Variants in CPA6 observed in about 807,000 individuals in gnomAD.
The protein encoded by CPA6 is carboxypeptidase B.
Under a neutral mutation model 63.3 loss-of-function variants are expected in CPA6, and 58 were observed. That is an observed-to-expected ratio of 0.92 (90% CI 0.74 to 1.14). The LOEUF is 1.14. Among genes scored for constraint, CPA6 ranks in the 50% most tolerant of loss-of-function variants. The probability of loss-of-function intolerance (pLI) is 0.00; values close to 1 mark genes in which losing one functional copy is unlikely to be tolerated. For missense variants in CPA6, 565 were observed against 526.6 expected (o/e 1.07, Z -0.71); for synonymous variants, 185 against 179.0 (o/e 1.03, Z -0.27).
intron 2 of CPA6, among the ~76,000 whole-genome samples, chr8:67,568,805 C>G (rs1813408076): frequency 6.6e-6 from 1 of 152,186 alleles, no homozygotes. Context: ...GTTTGGAGTG[C>G]AGTGGCACGA....
intron 2 of CPA6, among the ~76,000 whole-genome samples, chr8:67,620,220 G>C (rs1014270272): frequency 6.6e-6 from 1 of 152,140 alleles, no homozygotes; most frequent in African/African-American, 2.4e-5. Context: ...GCACTTCTCC[G>C]ACCTCTTCTG....
chr8:67,738,858 T>C (rs1229542399), intron 1 of CPA6, among the ~76,000 whole-genome samples: 1 of 152,230 alleles, frequency 6.6e-6, no homozygotes, highest in African/African-American at 2.4e-5. Context: ...ACCAGTTATC[T>C]ACTGATTGAT....
At chr8:67,556,447 T>C (rs751316800) in intron 2 of CPA6, among the ~76,000 whole-genome samples, 4 of 152,134 alleles carry the variant, frequency 2.6e-5, no homozygotes, top group Non-Finnish European at 5.9e-5. Flanking sequence ...GAGGGGAGAC[T>C]CAGCTGGGAG....
At chr8:67,644,885 A>G (rs556096366) in intron 1 of CPA6, among the ~76,000 whole-genome samples, 1 of 152,266 alleles carries the variant, frequency 6.6e-6, no homozygotes, top group South Asian at 2.1e-4. Context: ...AAGGCAGTGA[A>G]TTTCCAGTTC....
intron 2 of CPA6, among the ~76,000 whole-genome samples, chr8:67,548,973 T>C (rs1812882325): frequency 6.6e-6 from 1 of 152,200 alleles, no homozygotes. Context: ...CAGTGCCTTG[T>C]GAGACAGAAT....
chr8:67,569,371 T>C (rs1170608915), intron 2 of CPA6: 1 of 199,516 alleles, frequency 5.0e-6, no homozygotes, highest in Non-Finnish European at 1.0e-5. Context: ...AATACTTTAT[T>C]CATTACTTTC....
chr8:67,744,846 AT>A (rs1434402716), intron 1 of CPA6, among the ~76,000 whole-genome samples: 1 of 152,062 alleles, frequency 6.6e-6, no homozygotes, highest in Non-Finnish European at 1.5e-5. Flanking sequence ...CCGTGATCAT[AT>A]TGCCATCTAT....
chr8:67,483,215 T>C (rs1237924347), intron 8 of CPA6: 2 of 152,514 alleles, frequency 1.3e-5, no homozygotes, highest in Non-Finnish European at 2.9e-5. Context: ...TCCTTCTTTC[T>C]TCAGTAGAAG....
At position 67,458,295 on chromosome 8, in the gene CPA6, C is replaced by T. The variant is rs1382169244; in HGVS notation, c.839-24055G>A. 2.6e-5 allele frequency among the ~76,000 whole-genome samples: 4 copies of T among 152,290 alleles called. No individual in the cohort carries two copies. The East Asian group carries it at 5.8e-4, about 22-fold the overall frequency. ...CACTGCAACCTCCACCTCCCAGGTT[C>T]AAGTGATTCTCGTGCCTCACCCTCC... On this transcript the variant is annotated intron_variant, in intron 8 of 10. Transcript: ENST00000297770.
intron 8 of CPA6, among the ~76,000 whole-genome samples, chr8:67,459,304 G>A (rs1299458099): frequency 3.3e-5 from 5 of 152,160 alleles, no homozygotes; most frequent in Admixed American, 2.6e-4. Context: ...GATTATAGGT[G>A]TGTGCCACCA....
intron 1 of CPA6, among the ~76,000 whole-genome samples, chr8:67,658,512 A>G (rs932952722): frequency 2.0e-5 from 3 of 152,088 alleles, no homozygotes; most frequent in African/African-American, 7.2e-5. Flanking sequence ...TTTATGCCAC[A>G]ACTCTCTCCC....
chr8:67,737,956 G>A (rs1817845287), intron 1 of CPA6, among the ~76,000 whole-genome samples: 1 of 152,070 alleles, frequency 6.6e-6, no homozygotes, highest in African/African-American at 2.4e-5. Context: ...AAAGGGATTG[G>A]GCTATGATAT....
chr8:67,741,590 T>A (rs1016747552), intron 1 of CPA6, among the ~76,000 whole-genome samples: 1 of 152,164 alleles, frequency 6.6e-6, no homozygotes, highest in African/African-American at 2.4e-5. Flanking sequence ...CTGCCTCCTG[T>A]CGATCATCAG....
At chr8:67,553,436 T>C (rs1215917294) in intron 2 of CPA6, among the ~76,000 whole-genome samples, 1 of 152,208 alleles carries the variant, frequency 6.6e-6, no homozygotes, top group African/African-American at 2.4e-5. Context: ...GTTCTCAAGC[T>C]AACTTTCCAT....
intron 8 of CPA6, among the ~76,000 whole-genome samples, chr8:67,447,318 C>T (rs577481298): frequency 2.1e-4 from 32 of 152,088 alleles, no homozygotes; most frequent in South Asian, 4.1e-4. Flanking sequence ...GGGAATTATG[C>T]TTATTTCTCT....
At chr8:67,511,923 C>T (rs1812050778) in intron 3 of CPA6, among the ~76,000 whole-genome samples, 1 of 152,194 alleles carries the variant, frequency 6.6e-6, no homozygotes, top group African/African-American at 2.4e-5. Context: ...GCAGCTGCAA[C>T]AACCGAATGA....
At chr8:67,720,208 G>C (rs1817468511) in intron 1 of CPA6, among the ~76,000 whole-genome samples, 1 of 132,228 alleles carries the variant, frequency 7.6e-6, no homozygotes, top group African/African-American at 3.7e-5. Flanking sequence ...GCCAGGATGA[G>C]CCAGGAAAAG....
chr8:67,587,220 G>A (rs1231514885), intron 2 of CPA6, among the ~76,000 whole-genome samples: 2 of 152,126 alleles, frequency 1.3e-5, no homozygotes, highest in Non-Finnish European at 2.9e-5. Context: ...TAATTGTGAT[G>A]GATAGTGCTT....
intron 2 of CPA6, among the ~76,000 whole-genome samples, chr8:67,601,392 GT>G (rs1458612672): frequency 2.6e-5 from 4 of 152,210 alleles, no homozygotes; most frequent in Admixed American, 6.5e-5. Context: ...CTCCAGTATT[GT>G]TCAGGTTCTT....
Sources: allele counts gnomAD v4.1 joint callset (sites outside exome capture counted in the v4.1 genomes callset), GRCh38; gene constraint gnomAD v4.1.1; transcripts MANE v1.5; gene names NCBI Gene and HGNC (gene_info 2026-07-23, HGNC 2026-07-21).